MCU: variants seen among roughly 807,000 people sequenced by gnomAD.
MCU encodes the protein mitochondrial calcium uniporter.
Under a neutral mutation model 45.2 loss-of-function variants are expected in MCU, and 12 were observed. That is an observed-to-expected ratio of 0.27 (90% confidence interval 0.17 to 0.43). The LOEUF is 0.43. MCU is among the 20% of genes least tolerant of loss of function. MCU has a pLI of 1.00. For missense variants in MCU, 324 were observed against 436.7 expected, an observed-to-expected ratio of 0.74 and a Z score of 2.30; for synonymous variants, 160 against 165.1, an observed-to-expected ratio of 0.97 and a Z score of 0.24.
chr10:72,804,143 A>G (rs1033898031), intron 1 of MCU, among the ~76,000 whole-genome samples: 9 of 144,004 alleles, frequency 6.2e-5, no homozygotes, highest in South Asian at 4.4e-4. Flanking sequence ...CTGGAGTGCA[A>G]TGGCACAGTC....
intron 1 of MCU, among the ~76,000 whole-genome samples, chr10:72,765,118 G>GTTTT: frequency 6.6e-6 from 1 of 151,612 alleles, no homozygotes; most frequent in East Asian, 1.9e-4. Flanking sequence ...GAGAGTTAGG[G>GTTTT]CATGTAGAAC....
intron 2 of MCU, among the ~76,000 whole-genome samples, chr10:72,853,510 G>A (rs1845240234): frequency 1.3e-5 from 2 of 152,194 alleles, no homozygotes; most frequent in South Asian, 2.1e-4. Flanking sequence ...AGTGACCTGT[G>A]GGACAATATC....
intron 1 of MCU, among the ~76,000 whole-genome samples, chr10:72,714,648 A>G (rs1441919491): frequency 6.6e-6 from 1 of 151,666 alleles, no homozygotes; most frequent in African/African-American, 2.4e-5. Context: ...GGGTTAAAGC[A>G]ATTCTCCTGC....
intron 1 of MCU, 77 bp downstream of exon 1, chr10:72,692,378 C>G: frequency 9.9e-7 from 1 of 1,008,794 alleles, no homozygotes; most frequent in African/African-American, 1.8e-5. Context: ...GGCAGGCCGC[C>G]GGGGCAGCAG....
At chr10:72,853,081 G>A (rs1337884443) in intron 2 of MCU, among the ~76,000 whole-genome samples, 1 of 152,060 alleles carries the variant, frequency 6.6e-6, no homozygotes, top group African/African-American at 2.4e-5. Context: ...ACAAGATCCA[G>A]CACTCAACAA....
At chr10:72,725,263 C>T (rs1843081904) in intron 1 of MCU, among the ~76,000 whole-genome samples, 4 of 152,156 alleles carry the variant, frequency 2.6e-5, no homozygotes, top group African/African-American at 7.2e-5. Flanking sequence ...GAAGCTGGGA[C>T]TGCAGGTGCC....
In MCU at chr10:72,805,832, A is replaced by G. The variant is rs1284830119; in HGVS notation, c.151-28527A>G. Among the ~76,000 whole-genome samples, 9 of 152,224 alleles carry G rather than the reference A, an allele frequency of 5.9e-5. No homozygotes were observed. In the East Asian group the frequency reaches 1.3e-3, roughly 23 times the overall value. ...AACACTGATCATCTCACGATTAAAT[A>G]TAGAATTTTAATTTCATAAGCACTT... On this transcript the variant is annotated intron_variant, in intron 1 of 7. Coordinates refer to ENST00000373053, the MANE Select transcript of MCU (RefSeq NM_138357.3).
chr10:72,696,893 G>T (rs977055702), intron 1 of MCU, among the ~76,000 whole-genome samples: 10 of 152,008 alleles, frequency 6.6e-5, no homozygotes. Flanking sequence ...TGCTGTCTTT[G>T]GTTGTATATT....
intron 2 of MCU, among the ~76,000 whole-genome samples, chr10:72,847,181 G>C (rs932296408): frequency 6.6e-6 from 1 of 152,098 alleles, no homozygotes; most frequent in African/African-American, 2.4e-5. Context: ...TGCCATGTTG[G>C]CCAGGGTGAT....
At chr10:72,731,137 C>G (rs572009020) in intron 1 of MCU, 1 of 152,154 alleles carries the variant, frequency 6.6e-6, no homozygotes, top group South Asian at 2.1e-4. Flanking sequence ...TGTGGTCTCA[C>G]TATATTGCCC....
chr10:72,859,448 T>C, intron 3 of MCU, 101 bp downstream of exon 3: 2 of 1,138,556 alleles, frequency 1.8e-6, no homozygotes, highest in Non-Finnish European at 2.4e-6. Context: ...AAAAGAACCC[T>C]ATACTGTTAA....
intron 1 of MCU, among the ~76,000 whole-genome samples, chr10:72,706,718 G>A (rs977751640): frequency 1.3e-5 from 2 of 151,536 alleles, no homozygotes; most frequent in African/African-American, 4.8e-5. Context: ...TGTACTTGTA[G>A]TAGAGACGGG....
Position 72,848,946 on chromosome 10 carries a change from G to A in MCU, c.221-10231G>A, listed in dbSNP as rs138894881. Among the ~76,000 whole-genome samples the A allele has an allele frequency of 8.5e-4, 129 of 152,154 alleles. 1 individual carries two copies. The highest frequency in any genetic ancestry group is 2.9e-3 in the African/African-American group (120 of 41,504). On this transcript the variant is annotated intron_variant, in intron 2 of 7. Coordinates refer to ENST00000373053, the MANE Select transcript of MCU (RefSeq NM_138357.3). Reference sequence around the variant, plus strand: ...GGTGGTGGCCTGGACTAAAATGGTGGTAGTGTAGACAGTATCAGAGGGCTT... The same window carrying A: ...GGTGGTGGCCTGGACTAAAATGGTGATAGTGTAGACAGTATCAGAGGGCTT...
At chr10:72,885,653 T>G (rs147874132) in intron 7 of MCU, 92 bp from the exon 8 acceptor site, 1 of 802,298 alleles carries the variant, frequency 1.2e-6, no homozygotes, top group Non-Finnish European at 2.1e-6. Context: ...CTCTGACTTA[T>G]AGTAATGGAG....
intron 1 of MCU, among the ~76,000 whole-genome samples, chr10:72,773,894 G>T (rs2121095): frequency 0.46 from 69,333 of 151,950 alleles, 19,993 homozygotes; most frequent in Non-Finnish European, 0.67. Flanking sequence ...AGAAATTAAG[G>T]TGCAACAAAG....
chr10:72,788,332 T>G (rs1844106728), intron 1 of MCU, among the ~76,000 whole-genome samples: 1 of 152,202 alleles, frequency 6.6e-6, no homozygotes, highest in South Asian at 2.1e-4. Context: ...CATAAATGGT[T>G]GTACATACAA....
chr10:72,798,931 T>G (rs947444181), intron 1 of MCU, among the ~76,000 whole-genome samples: 1 of 152,052 alleles, frequency 6.6e-6, no homozygotes, highest in African/African-American at 2.4e-5. Flanking sequence ...TGGATCAACT[T>G]GATTCTTTTA....
At chr10:72,881,393 A>C (rs1046586699) in intron 6 of MCU, among the ~76,000 whole-genome samples, 3 of 152,140 alleles carry the variant, frequency 2.0e-5, no homozygotes, top group Admixed American at 6.5e-5. Context: ...ATACAGGATA[A>C]GAGTGATAAA....
At position 72,836,051 on chromosome 10, in the gene MCU, G is replaced by A. The variant is rs78142299; in HGVS notation, c.220+1623G>A. Among the ~76,000 whole-genome samples, 803 of 151,884 alleles carry A rather than the reference G, an allele frequency of 5.3e-3. 4 individuals carry two copies. Among genetic ancestry groups the A allele is most frequent in the East Asian group, 0.026 (132 of 5,164 alleles). ...CCAAATGGTGACTGTCCACATCTGT[G>A]CCAGCACCACTCCCAGGTTCTGACT... On this transcript the variant is annotated intron_variant, in intron 2 of 7. Transcript: ENST00000373053.
Sources: gnomAD v4.1 joint callset for allele counts (sites outside exome capture counted in the v4.1 genomes callset) on GRCh38, gnomAD v4.1.1 for gene constraint, MANE v1.5 for transcripts, NCBI Gene and HGNC (gene_info 2026-07-23, HGNC 2026-07-21) for gene names.